TRPM1: variants seen among roughly 807,000 people sequenced by gnomAD.
TRPM1 encodes transient receptor potential cation channel subfamily M member 1.
In TRPM1, 113 loss-of-function variants were observed where a neutral mutation model predicts 149.4. The observed-to-expected ratio is 0.76, with a 90% CI of 0.65 to 0.88. TRPM1 has a LOEUF of 0.88. Among genes scored for constraint, TRPM1 ranks in the 40% least tolerant of loss-of-function variants. The probability of loss-of-function intolerance (pLI) is 0.00; values close to 1 mark genes in which losing one functional copy is unlikely to be tolerated. For missense variants in TRPM1, 1,976 were observed against 2,038.7 expected (o/e 0.97, Z 0.59); for synonymous variants, 741 against 759.5 (o/e 0.98, Z 0.40).
rs928546340 is a variant in TRPM1, at chr15:31,134,884, T to C, written c.54+26022A>G. ...TGGGTGTGGTGGCCCATGCCTGTAA[T>C]CCCAGCTACTTGGGAGGCTGAGGCA... On this transcript the variant is annotated intron_variant, in intron 1 of 26. Transcript: ENST00000542188. Among the ~76,000 whole-genome samples, 9 of 152,112 alleles carry C rather than the reference T, an allele frequency of 5.9e-5. 1 individual carries two copies. The highest frequency in any genetic ancestry group is 4.6e-4 in the Admixed American group (7 of 15,264).
intron 27 of TRPM1, among the ~76,000 whole-genome samples, chr15:31,015,344 G>A (rs576099034): frequency 6.6e-5 from 10 of 151,944 alleles, no homozygotes; most frequent in African/African-American, 2.2e-4. Flanking sequence ...CCTGGGAGGC[G>A]GAGGCTGCAG....
intron 1 of TRPM1, among the ~76,000 whole-genome samples, chr15:31,088,992 A>C (rs183554232): frequency 6.6e-6 from 1 of 152,310 alleles, no homozygotes; most frequent in Admixed American, 6.5e-5. Context: ...GCTGATGGGC[A>C]GTTCTAGATT....
intron 1 of TRPM1, among the ~76,000 whole-genome samples, chr15:31,135,435 T>A (rs2036075462): frequency 6.6e-6 from 1 of 152,110 alleles, no homozygotes; most frequent in African/African-American, 2.4e-5. Context: ...ATAAATAAAA[T>A]TTTTAAATTA....
At chr15:31,020,436 T>C (rs1004046621) in intron 27 of TRPM1, among the ~76,000 whole-genome samples, 1 of 152,266 alleles carries the variant, frequency 6.6e-6, no homozygotes, top group African/African-American at 2.4e-5. Flanking sequence ...GTTGTCTTTC[T>C]GTATCCCTGC....
At chr15:31,128,030 A>C (rs2035973153) in intron 1 of TRPM1, among the ~76,000 whole-genome samples, 2 of 152,148 alleles carry the variant, frequency 1.3e-5, no homozygotes, top group Admixed American at 1.3e-4. Context: ...GCCAGGGCTG[A>C]AACCAGATCT....
At chr15:31,033,239 G>A (rs1037065369) in intron 21 of TRPM1, among the ~76,000 whole-genome samples, 3 of 152,106 alleles carry the variant, frequency 2.0e-5, no homozygotes, top group Admixed American at 6.5e-5. Context: ...ATCTGGACAC[G>A]TGCCTGTTAC....
At chr15:31,080,888 G>T (rs2034840530) in intron 2 of TRPM1, among the ~76,000 whole-genome samples, 1 of 152,014 alleles carries the variant, frequency 6.6e-6, no homozygotes, top group Admixed American at 6.5e-5. Context: ...GGCTCCGAGC[G>T]CTTAGGCTCA....
chr15:31,116,188 G>A (rs1228830604), intron 1 of TRPM1, among the ~76,000 whole-genome samples: 1 of 152,148 alleles, frequency 6.6e-6, no homozygotes, highest in African/African-American at 2.4e-5. Context: ...AGTCTTCCCA[G>A]TGTTGGAAGG....
intron 1 of TRPM1, among the ~76,000 whole-genome samples, chr15:31,116,204 A>G (rs2035795646): frequency 6.6e-6 from 1 of 152,134 alleles, no homozygotes. Flanking sequence ...GAAGGGAAAT[A>G]CCACACTCCA....
intron 27 of TRPM1, among the ~76,000 whole-genome samples, chr15:31,007,033 A>G (rs991063997): frequency 2.6e-5 from 4 of 152,184 alleles, no homozygotes; most frequent in Admixed American, 2.0e-4. Flanking sequence ...TGTCAGATAT[A>G]TGATTGACAT....
chr15:31,028,185 C>G, intron 25 of TRPM1, 147 bp downstream of exon 25: 1 of 930,286 alleles, frequency 1.1e-6, no homozygotes, highest in South Asian at 1.4e-5. Flanking sequence ...TAAGTTTGAA[C>G]AAAGAGACTG....
At chr15:31,065,005 T>C (rs1457310854) in intron 7 of TRPM1, 1 of 531,604 alleles carries the variant, frequency 1.9e-6, no homozygotes, top group Admixed American at 2.0e-5. Flanking sequence ...AACAGGTTCT[T>C]CTTGGCTTAG....
rs556745101 is a variant in TRPM1, at chr15:31,037,539, C to A, written c.2571+172G>T. Among the ~76,000 whole-genome samples, 15 of 152,250 alleles carry A rather than the reference C, an allele frequency of 9.9e-5. 1 individual carries two copies. The South Asian group carries it at 2.9e-3, about 29-fold the overall frequency. ...CATATATCAATATGTGACAGGATATCGAGATCCAATGTTAGCCAGAGATCT... is the reference window on the plus strand; with the variant it reads ...CATATATCAATATGTGACAGGATATAGAGATCCAATGTTAGCCAGAGATCT... On this transcript the variant is annotated intron_variant, in intron 20 of 27. Transcript: ENST00000256552.
intron 1 of TRPM1, among the ~76,000 whole-genome samples, chr15:31,141,544 C>CA (rs1428155884): frequency 1.3e-5 from 2 of 151,400 alleles, no homozygotes; most frequent in Non-Finnish European, 2.9e-5. Flanking sequence ...GAAAGTGGTG[C>CA]AAAAAAATCT....
At chr15:31,019,552 C>T (rs541981619) in intron 27 of TRPM1, among the ~76,000 whole-genome samples, 2 of 152,178 alleles carry the variant, frequency 1.3e-5, no homozygotes, top group African/African-American at 4.8e-5. Context: ...CAGATGCTTA[C>T]CACCACTCCC....
At chr15:31,048,377 C>A (rs1258618590) in intron 13 of TRPM1, among the ~76,000 whole-genome samples, 2 of 152,152 alleles carry the variant, frequency 1.3e-5, no homozygotes, top group African/African-American at 2.4e-5. Context: ...CCCACACCAG[C>A]CTTTTTCTTT....
upstream of TRPM1, among the ~76,000 whole-genome samples, chr15:31,105,796 A>C (rs1334080354): frequency 6.6e-6 from 1 of 152,206 alleles, no homozygotes; most frequent in Non-Finnish European, 1.5e-5. Context: ...TATTCTACAC[A>C]CTTGATACAC....
chr15:31,002,343 C>T lies in TRPM1; in HGVS notation c.4357G>A (p.Ala1453Thr). 1.9e-6 allele frequency: 3 copies of T among 1,614,230 alleles called. No homozygotes were observed. Among genetic ancestry groups the T allele is most frequent in the South Asian group, 1.1e-5 (1 of 91,088 alleles). ...TRYFPDETIN[A>T]CKTMKSRSFV... ...CTTCTGGACTTCATTGTTTTACAAG[C>T]ATTGATCGTTTCATCGGGGAAATAG... The change falls in exon 28 of 28, where the codon GCT becomes ACT. Residue 1453 changes from alanine (A) to threonine (T), a missense_variant. Physicochemically the swap from Ala to Thr is moderately conservative, Grantham distance 58. Around this residue, in one of 3 missense-constraint regions of TRPM1, gnomAD observed 572 missense variants for 578.9 expected, o/e 0.99. Transcript: ENST00000256552.
intron 1 of TRPM1, among the ~76,000 whole-genome samples, chr15:31,151,357 C>T (rs1448085956): frequency 1.3e-5 from 2 of 152,200 alleles, no homozygotes; most frequent in Non-Finnish European, 2.9e-5. Context: ...CTAAACAAAG[C>T]GGCCAAGTGT....
Sources: allele counts gnomAD v4.1 joint callset (sites outside exome capture counted in the v4.1 genomes callset), GRCh38; gene constraint gnomAD v4.1.1; regional missense constraint gnomAD v4.1.1; transcripts MANE v1.5; gene names NCBI Gene and HGNC (gene_info 2026-07-23, HGNC 2026-07-21).